SLCO1A2: variants seen among roughly 807,000 people sequenced by gnomAD.
The protein encoded by SLCO1A2 is OATP-1.
SLCO1A2 carries 67 observed loss-of-function variants against 69.0 expected under a neutral mutation model. That is an observed-to-expected ratio of 0.97 (90% CI 0.80 to 1.19). The LOEUF (loss-of-function observed/expected upper bound fraction) is 1.19, where lower values mean the gene tolerates loss of function less well. SLCO1A2 is among the 50% of genes most tolerant of loss of function. The pLI, the probability that SLCO1A2 is intolerant of heterozygous loss-of-function variation, is 0.00. For synonymous variants in SLCO1A2, 260 were observed against 265.9 expected, an observed-to-expected ratio of 0.98 and a Z score of 0.22; for missense variants, 787 against 793.7, an observed-to-expected ratio of 0.99 and a Z score of 0.10.
At position 21,267,871 on chromosome 12, in the gene SLCO1A2, C is replaced by T. The variant is rs527835114; in HGVS notation, c.*1677G>A. 5 of 152,176 alleles carry T rather than the reference C, an allele frequency of 3.3e-5. No individual in the cohort carries two copies. The South Asian group carries it at 6.2e-4, about 19-fold the overall frequency. The allele number at this position is 152,176 out of a possible 1,614,324, so 9.4% of individuals were successfully genotyped here. A position where few individuals can be genotyped will look rare whatever the true frequency, so the allele number is the denominator to read the frequency against. On this transcript the variant is annotated 3_prime_UTR_variant, in exon 15 of 15. Transcript: ENST00000683939. Reference sequence around the variant, plus strand: ...AATTTCATGTCATCAGATCTTAATACGATATCTCACTGCTGCAGTCATACC... The same window carrying T: ...AATTTCATGTCATCAGATCTTAATATGATATCTCACTGCTGCAGTCATACC...
intron 13 of SLCO1A2, 44 bp downstream of exon 13, chr12:21,275,316 T>C (rs1943619888): frequency 1.4e-6 from 2 of 1,443,178 alleles, no homozygotes; most frequent in African/African-American, 1.4e-5. Context: ...ATAATAATAA[T>C]AATATTGTTC....
At chr12:21,346,608 C>T (rs767139855) in intron 2 of SLCO1A2, among the ~76,000 whole-genome samples, 4 of 152,006 alleles carry the variant, frequency 2.6e-5, no homozygotes, top group African/African-American at 4.8e-5. Context: ...GCCACCTTCC[C>T]AGCAATGATA....
intron 3 of SLCO1A2, among the ~76,000 whole-genome samples, chr12:21,318,452 T>TGG (rs1951169646): frequency 6.6e-6 from 1 of 152,142 alleles, no homozygotes; most frequent in African/African-American, 2.4e-5. Context: ...AATACAAAGA[T>TGG]GGAACCCTTA....
chr12:21,413,445 T>A (rs764467006), intron 1 of SLCO1A2, among the ~76,000 whole-genome samples: 20 of 151,920 alleles, frequency 1.3e-4, no homozygotes, highest in South Asian at 2.1e-4. Flanking sequence ...TTTCTCCATG[T>A]TGGCCAGGCT....
At chr12:21,403,258 T>A (rs1217210074) in intron 1 of SLCO1A2, among the ~76,000 whole-genome samples, 1 of 152,152 alleles carries the variant, frequency 6.6e-6, no homozygotes, top group Non-Finnish European at 1.5e-5. Flanking sequence ...AATCCTGCAT[T>A]AAATACAATT....
chr12:21,269,954 T>C (rs1284052566), intron 14 of SLCO1A2, among the ~76,000 whole-genome samples, 187 bp from the exon 15 acceptor site: 1 of 151,916 alleles, frequency 6.6e-6, no homozygotes, highest in Non-Finnish European at 1.5e-5. Flanking sequence ...TTTATGTTTT[T>C]TTAATTTTCC....
intron 2 of SLCO1A2, among the ~76,000 whole-genome samples, chr12:21,328,888 C>G (rs1952428785): frequency 6.6e-6 from 1 of 152,124 alleles, no homozygotes; most frequent in Non-Finnish European, 1.5e-5. Context: ...GGAGAATATC[C>G]CAGTTATAAA....
At position 21,306,986 on chromosome 12, in the gene SLCO1A2, T is replaced by C. The variant is rs1949495245; in HGVS notation, c.338A>G (p.Tyr113Cys). The C allele has an allele frequency of 6.3e-7, 1 of 1,598,548 alleles. No individual in the cohort carries two copies. The highest frequency in any genetic ancestry group is 8.6e-7 in the Non-Finnish European group (1 of 1,165,910). ...KSLPHFLMNQ[Y>C]EYESTVSVSG... ...AACTGAAACTGTAGATTCATATTCA[T>C]ATCTGTATAAACACAGGGAAAATGA... The change falls in exon 5 of 15, where the codon TAT becomes TGT. Residue 113 changes from tyrosine to cysteine, a missense_variant and splice_region_variant. Physicochemically the swap from Tyr to Cys is radical, Grantham distance 194. Coordinates refer to ENST00000683939, the MANE Select transcript of SLCO1A2 (RefSeq NM_001386879.1).
intron 14 of SLCO1A2, among the ~76,000 whole-genome samples, chr12:21,272,303 T>C (rs913087140): frequency 7.2e-5 from 11 of 151,938 alleles, no homozygotes; most frequent in African/African-American, 2.7e-4. Context: ...TCAATTACTC[T>C]TGTACAATTT....
At chr12:21,276,723 C>T (rs1005232895) in intron 12 of SLCO1A2, among the ~76,000 whole-genome samples, 11 of 152,172 alleles carry the variant, frequency 7.2e-5, no homozygotes, top group Non-Finnish European at 5.9e-5. Flanking sequence ...GAGAAGGAAT[C>T]TGAGCACTTG....
chr12:21,279,837 C>G (rs192813966), intron 12 of SLCO1A2, among the ~76,000 whole-genome samples: 67 of 152,212 alleles, frequency 4.4e-4, no homozygotes, highest in African/African-American at 1.6e-3. Flanking sequence ...ATAAACTACT[C>G]TTAACTAGGA....
chr12:21,339,070 T>C (rs1257643064), upstream of SLCO1A2, among the ~76,000 whole-genome samples: 1 of 151,992 alleles, frequency 6.6e-6, no homozygotes, highest in Admixed American at 6.6e-5. Flanking sequence ...GAAGATTGAG[T>C]TATAAAATTT....
chr12:21,345,198 T>C (rs1953213276), intron 2 of SLCO1A2, among the ~76,000 whole-genome samples: 2 of 152,004 alleles, frequency 1.3e-5, no homozygotes, highest in South Asian at 4.1e-4. Context: ...CTTCTGACGT[T>C]TATGGTGCAA....
At chr12:21,415,736 C>T (rs890660946) in intron 1 of SLCO1A2, among the ~76,000 whole-genome samples, 3 of 151,998 alleles carry the variant, frequency 2.0e-5, no homozygotes, top group African/African-American at 7.2e-5. Flanking sequence ...TTGAATTTCA[C>T]TATAGTATAT....
intron 12 of SLCO1A2, among the ~76,000 whole-genome samples, chr12:21,280,789 C>T (rs1376688494): frequency 6.6e-6 from 1 of 151,656 alleles, no homozygotes. Flanking sequence ...CTACAGAATA[C>T]AAATATGAAT....
intron 12 of SLCO1A2, among the ~76,000 whole-genome samples, chr12:21,290,508 C>T (rs549453582): frequency 2.6e-5 from 4 of 152,114 alleles, no homozygotes; most frequent in Non-Finnish European, 4.4e-5. Flanking sequence ...AATAGACTCA[C>T]TAATTATAAA....
At chr12:21,347,451 G>C (rs1953291122) in intron 2 of SLCO1A2, among the ~76,000 whole-genome samples, 1 of 152,064 alleles carries the variant, frequency 6.6e-6, no homozygotes, top group African/African-American at 2.4e-5. Flanking sequence ...TTCAAGACCA[G>C]CCTAGCCAAC....
At chr12:21,286,018 G>T (rs1945717425) in intron 12 of SLCO1A2, among the ~76,000 whole-genome samples, 1 of 152,064 alleles carries the variant, frequency 6.6e-6, no homozygotes, top group East Asian at 1.9e-4. Context: ...GGGCAATCAG[G>T]CAGGAGAAGG....
intron 1 of SLCO1A2, among the ~76,000 whole-genome samples, chr12:21,407,820 TGAAA>T (rs1565534573): frequency 1.9e-5 from 2 of 105,276 alleles, no homozygotes; most frequent in Admixed American, 9.4e-5. Flanking sequence ...TAAAAATAAA[TGAAA>T]AAAAAAAAAA....
Sources: allele counts gnomAD v4.1 joint callset (sites outside exome capture counted in the v4.1 genomes callset), GRCh38; gene constraint gnomAD v4.1.1; transcripts MANE v1.5; gene names NCBI Gene and HGNC (gene_info 2026-07-23, HGNC 2026-07-21).